The following ANKRD6 variants were observed in gnomAD, a reference collection of about 807,000 sequenced individuals.
ANKRD6 encodes ankyrin repeat domain-containing protein 6.
ANKRD6 carries 56 observed loss-of-function variants against 82.3 expected under a neutral mutation model. The ratio of observed to expected loss-of-function variants is 0.68; its 90% confidence interval spans 0.55 to 0.85. ANKRD6 has a LOEUF of 0.85. ANKRD6 is among the 40% of genes least tolerant of loss of function. The probability of loss-of-function intolerance (pLI) is 0.00; values close to 1 mark genes in which losing one functional copy is unlikely to be tolerated. For missense variants in ANKRD6, 852 were observed against 907.6 expected (o/e 0.94, Z 0.79); for synonymous variants, 347 against 352.1 (o/e 0.99, Z 0.16).
chr6:89,537,978 C>G (rs1415372258), intron 1 of ANKRD6, among the ~76,000 whole-genome samples: 1 of 151,850 alleles, frequency 6.6e-6, no homozygotes, highest in Non-Finnish European at 1.5e-5. Flanking sequence ...TGTGGCAAAT[C>G]CCAGACAGCA....
intron 1 of ANKRD6, among the ~76,000 whole-genome samples, chr6:89,545,308 C>T (rs1198280321): frequency 6.6e-6 from 1 of 152,034 alleles, no homozygotes; most frequent in Non-Finnish European, 1.5e-5. Flanking sequence ...GACTTGTCCA[C>T]CAAATGTCCT....
At chr6:89,589,913 T>C (rs936110604) in intron 2 of ANKRD6, among the ~76,000 whole-genome samples, 4 of 152,124 alleles carry the variant, frequency 2.6e-5, no homozygotes, top group Non-Finnish European at 4.4e-5. Context: ...GAAGTCAGGG[T>C]GAATACTGCC....
At chr6:89,493,884 GGAAGTTGA>G (rs757169042) in intron 1 of ANKRD6, among the ~76,000 whole-genome samples, 16 of 152,162 alleles carry the variant, frequency 1.1e-4, no homozygotes, top group Non-Finnish European at 2.1e-4. Flanking sequence ...TCAGGCATTA[GGAAGTTGA>G]CATAACTTTT....
Position 89,606,053 on chromosome 6 carries a change from A to G in ANKRD6, c.365A>G (p.Gln122Arg), listed in dbSNP as rs752506215. ...LHEASWHGFS[Q>R]SAKLLIKAGA... ...GAAGCATCCTGGCATGGTTTCAGCC[A>G]GTCAGCCAAGCTGCTCATTAAAGCA... The change falls in exon 5 of 16, where the codon CAG (glutamine) becomes CGG (arginine). Residue 122 changes from glutamine to arginine, a missense_variant. Coordinates refer to ENST00000339746, the MANE Select transcript of ANKRD6 (RefSeq NM_001242809.2). 1.9e-5 allele frequency: 30 copies of G among 1,596,262 alleles called. No individual in the cohort carries two copies. The highest frequency in any genetic ancestry group is 2.5e-5 in the Non-Finnish European group (29 of 1,171,244).
At chr6:89,451,679 C>T (rs1772841719) in intron 1 of ANKRD6, among the ~76,000 whole-genome samples, 1 of 152,162 alleles carries the variant, frequency 6.6e-6, no homozygotes, top group Non-Finnish European at 1.5e-5. Flanking sequence ...AATTTATATT[C>T]TTCCCTTGGT....
chr6:89,509,345 C>G (rs1780264769), intron 1 of ANKRD6: 1 of 152,184 alleles, frequency 6.6e-6, no homozygotes, highest in Admixed American at 6.5e-5. Context: ...CACACTGGGC[C>G]AAGTCAGTGA....
At chr6:89,499,052 G>A (rs560509472) in intron 1 of ANKRD6, among the ~76,000 whole-genome samples, 31 of 152,178 alleles carry the variant, frequency 2.0e-4, no homozygotes, top group African/African-American at 7.5e-4. Context: ...ATATAGTTTG[G>A]CCAAGCACAA....
chr6:89,629,194 C>T lies in ANKRD6; in HGVS notation c.1568C>T (p.Ala523Val), dbSNP rs371175362. 1.4e-5 allele frequency: 23 copies of T among 1,613,570 alleles called. No homozygotes were observed. The African/African-American group carries it at 2.7e-4, about 19-fold the overall frequency. ...LEQKLSGDSR[A>V]CRAKSTPSTC... ...CAGAAGCTTTCTGGAGATTCTAGGG[C>T]CTGCAGAGCTAAATCCACACCATCT... Residue 523 changes from alanine to valine, a missense_variant, in exon 15 of 16, where the codon GCC becomes GTC. By Grantham distance (64) the Ala-to-Val change is moderately conservative. Transcript: ENST00000339746.
chr6:89,556,803 G>C (rs1390263456), intron 1 of ANKRD6, among the ~76,000 whole-genome samples: 1 of 152,170 alleles, frequency 6.6e-6, no homozygotes, highest in Non-Finnish European at 1.5e-5. Flanking sequence ...TTCAATCTTT[G>C]CAACAACCTA....
In ANKRD6 at chr6:89,631,766, TCATGTAA is replaced by T. The variant is rs1807453312; in HGVS notation, c.*765_*771del. On this transcript the variant is annotated 3_prime_UTR_variant, in exon 16 of 16. Coordinates refer to ENST00000339746, the MANE Select transcript of ANKRD6 (RefSeq NM_001242809.2). Reference sequence around the variant, plus strand: ...TTAAAGCAGATTAATGGAAAAAAATTCATGTAACAATTACCTGAAAATTTATAACCTA... The same window carrying T: ...TTAAAGCAGATTAATGGAAAAAAATTCAATTACCTGAAAATTTATAACCTA... 1 of 152,200 alleles carries T rather than the reference TCATGTAA, an allele frequency of 6.6e-6. No homozygotes were observed. The highest frequency in any genetic ancestry group is 1.5e-5 in the Non-Finnish European group (1 of 68,042). 9.4% of individuals were successfully genotyped at this position (152,200 alleles called of 1,614,324 possible).
intron 1 of ANKRD6, among the ~76,000 whole-genome samples, chr6:89,512,030 C>T (rs533136624): frequency 5.3e-5 from 8 of 152,130 alleles, no homozygotes; most frequent in South Asian, 2.1e-4. Context: ...CCTCCCACCC[C>T]GGCCTCTCAA....
intron 1 of ANKRD6, among the ~76,000 whole-genome samples, chr6:89,505,478 C>T (rs1779735203): frequency 6.6e-6 from 1 of 152,140 alleles, no homozygotes; most frequent in Non-Finnish European, 1.5e-5. Flanking sequence ...AGATCTGGTC[C>T]TCTGGCAGGG....
rs530068070 is a variant in ANKRD6 at position 89,447,854 on chromosome 6, A to ATTTTTTTTTTTTTTTTTTT, written c.-144+14490_-144+14491insTTTTTTTTTTTTTTTTTTT. 5.0e-5 allele frequency among the ~76,000 whole-genome samples: 6 copies of ATTTTTTTTTTTTTTTTTTT among 119,008 alleles called. 1 individual carries two copies. Among genetic ancestry groups the ATTTTTTTTTTTTTTTTTTT allele is most frequent in the East Asian group, 2.5e-4 (1 of 4,030 alleles). The allele number at this position is 119,008 out of a possible 152,430, so 78.1% of individuals were successfully genotyped here. ...AGGCATGTGCCACCACGCCCAGCTA[A>ATTTTTTTTTTTTTTTTTTT]TTTTTTTTTTTCAGTAGAGATGGGG... is the stretch of plus-strand genomic sequence containing the variant. On this transcript the variant is annotated intron_variant, in intron 1 of 15. Coordinates refer to ENST00000339746, the MANE Select transcript of ANKRD6 (RefSeq NM_001242809.2).
chr6:89,518,633 A>G (rs903125188), intron 1 of ANKRD6, among the ~76,000 whole-genome samples: 6 of 151,150 alleles, frequency 4.0e-5, no homozygotes, highest in Non-Finnish European at 8.8e-5. Flanking sequence ...ACAGAGTCAT[A>G]TGATGCAAAA....
chr6:89,607,868 GAACTCCT>G (rs1799186537), intron 5 of ANKRD6, among the ~76,000 whole-genome samples: 10 of 142,890 alleles, frequency 7.0e-5, no homozygotes, highest in African/African-American at 2.9e-4. Context: ...GGCTGGTCTT[GAACTCCT>G]GACCCCGTGA....
chr6:89,509,738 A>G (rs544736903), intron 1 of ANKRD6, among the ~76,000 whole-genome samples: 93 of 152,224 alleles, frequency 6.1e-4, no homozygotes, highest in Non-Finnish European at 1.1e-3. Flanking sequence ...TAACAGACCT[A>G]TGAGGTGAAT....
At chr6:89,494,954 G>A (rs1276408951) in intron 1 of ANKRD6, among the ~76,000 whole-genome samples, 3 of 152,202 alleles carry the variant, frequency 2.0e-5, no homozygotes, top group Admixed American at 2.0e-4. Flanking sequence ...AGAAGCCAAG[G>A]CCGGGCACGG....
At chr6:89,597,509 C>T (rs1796173256) in intron 3 of ANKRD6, among the ~76,000 whole-genome samples, 1 of 152,226 alleles carries the variant, frequency 6.6e-6, no homozygotes, top group Non-Finnish European at 1.5e-5. Flanking sequence ...CAACTTGACA[C>T]CCCTGCCTCA....
At position 89,468,016 on chromosome 6, in the gene ANKRD6, A is replaced by G. The variant is rs548660245; in HGVS notation, c.-144+34641A>G. On this transcript the variant is annotated intron_variant, in intron 1 of 15. Transcript: ENST00000339746. ...CCTGAGGCAGTGTGCCTCTCATTTT[A>G]CCACCTAAAGTTGCCCATAGAGGTC... is the stretch of plus-strand genomic sequence containing the variant. Among the ~76,000 whole-genome samples, 15 of 152,266 alleles carry G rather than the reference A, an allele frequency of 9.9e-5. No individual in the cohort carries two copies. The South Asian group carries it at 2.9e-3, about 29-fold the overall frequency.
Sources: gnomAD v4.1 joint callset for allele counts (sites outside exome capture counted in the v4.1 genomes callset) on GRCh38, gnomAD v4.1.1 for gene constraint, MANE v1.5 for transcripts, NCBI Gene and HGNC (gene_info 2026-07-23, HGNC 2026-07-21) for gene names.